Variants in ARID2 observed in about 807,000 individuals in gnomAD.
ARID2 encodes the protein AT-rich interactive domain-containing protein 2.
ARID2 carries 32 observed loss-of-function variants against 184.6 expected under a neutral mutation model. The ratio of observed to expected loss-of-function variants is 0.17; its 90% CI spans 0.13 to 0.23. The LOEUF is 0.23. Ranked by LOEUF, ARID2 falls within the 10% of genes least tolerant of loss-of-function variation. The pLI is 1.00. For missense variants in ARID2, 1,696 were observed against 2,197.6 expected, an observed-to-expected ratio of 0.77 and a Z score of 4.56; for synonymous variants, 836 against 772.6, an observed-to-expected ratio of 1.08 and a Z score of -1.36.
chr12:45,899,653 TTATA>T (rs1404647118), intron 20 of ARID2, among the ~76,000 whole-genome samples: 3 of 65,506 alleles, frequency 4.6e-5, no homozygotes, highest in African/African-American at 7.1e-5. Flanking sequence ...ATATATTTGG[TTATA>T]TATATATATA....
At position 45,846,945 on chromosome 12, in the gene ARID2, G is replaced by C. The variant is rs766014897; in HGVS notation, c.1580+8G>C. 1.2e-6 allele frequency: 2 copies of C among 1,611,472 alleles called. No individual in the cohort carries two copies. Among genetic ancestry groups the C allele is most frequent in the Non-Finnish European group, 1.7e-6 (2 of 1,178,312 alleles). Reference sequence around the variant, plus strand: ...GAAGTTTGCTTGTCAGTGGTAAGTGGTTTATTTCTATTAAGGATTTATCCT... The same window carrying C: ...GAAGTTTGCTTGTCAGTGGTAAGTGCTTTATTTCTATTAAGGATTTATCCT... On this transcript the variant is annotated splice_region_variant and intron_variant, in intron 12 of 20. Transcript: ENST00000334344.
At chr12:45,797,155 C>T (rs1179460007) in intron 3 of ARID2, among the ~76,000 whole-genome samples, 1 of 152,148 alleles carries the variant, frequency 6.6e-6, no homozygotes, top group African/African-American at 2.4e-5. Context: ...CACACACAAA[C>T]ACATAGTTTT....
Position 45,891,393 on chromosome 12 carries a change from G to C in ARID2, c.4923-387G>C, listed in dbSNP as rs1206371575. Among the ~76,000 whole-genome samples, 3 of 152,058 alleles carry C rather than the reference G, an allele frequency of 2.0e-5. No individual in the cohort carries two copies. The East Asian group carries it at 5.8e-4, about 29-fold the overall frequency. ...AGTGAGAGATGGGACTTAAAAACAT[G>C]GACAGACATATAAATGTGAACTTAA... is the stretch of plus-strand genomic sequence containing the variant. On this transcript the variant is annotated intron_variant, in intron 16 of 20. Coordinates refer to ENST00000334344, the MANE Select transcript of ARID2 (RefSeq NM_152641.4).
At chr12:45,742,610 CATT>C (rs1485914330) in intron 3 of ARID2, among the ~76,000 whole-genome samples, 31 of 152,168 alleles carry the variant, frequency 2.0e-4, no homozygotes, top group African/African-American at 5.8e-4. Context: ...CATAGAATCC[CATT>C]ATTATTTTTT....
intron 20 of ARID2, among the ~76,000 whole-genome samples, chr12:45,899,653 T>C (rs1944422502): frequency 1.5e-5 from 1 of 65,508 alleles, no homozygotes; most frequent in African/African-American, 7.1e-5. Context: ...ATATATTTGG[T>C]TATATATATA....
intron 3 of ARID2, among the ~76,000 whole-genome samples, chr12:45,796,535 A>G (rs1328926269): frequency 6.6e-6 from 1 of 150,378 alleles, no homozygotes; most frequent in Non-Finnish European, 1.5e-5. Context: ...TATTTTGGAG[A>G]TGAAGTATTG....
chr12:45,801,039 T>C (rs144709180), intron 3 of ARID2, among the ~76,000 whole-genome samples: 38 of 152,012 alleles, frequency 2.5e-4, no homozygotes, highest in African/African-American at 8.7e-4. Context: ...GTTAGAAAAA[T>C]TACTTTCTCA....
At position 45,899,478 on chromosome 12, in the gene ARID2, C is replaced by T. The variant is rs533482795; in HGVS notation, c.5364-5456C>T. Among the ~76,000 whole-genome samples the T allele has an allele frequency of 7.9e-3, 1,086 of 136,924 alleles. 11 individuals are homozygous for T. Among genetic ancestry groups the T allele is most frequent in the African/African-American group, 0.028 (1,027 of 37,056 alleles). 89.8% of individuals were successfully genotyped at this position (136,924 alleles called of 152,430 possible). On this transcript the variant is annotated intron_variant, in intron 20 of 20. Coordinates refer to ENST00000334344, the MANE Select transcript of ARID2 (RefSeq NM_152641.4). ...AAAATTAGCTGGGCGTGGTGGCGGG[C>T]GCCTGTAGTCCCAGCTACTCAGGAG... is the stretch of plus-strand genomic sequence containing the variant.
intron 4 of ARID2, among the ~76,000 whole-genome samples, chr12:45,817,337 G>C (rs1315878541): frequency 1.3e-5 from 2 of 152,064 alleles, no homozygotes; most frequent in Non-Finnish European, 2.9e-5. Context: ...CTGGGCAACA[G>C]AGCCAGACAT....
In ARID2 at chr12:45,906,850, T is replaced by C. The variant is rs1039880786; in HGVS notation, c.*1772T>C. The stretch of plus-strand genomic sequence containing the variant: ...GGATACTGTACATTTGGCTAAAAGC[T>C]TTTATTGTTTGATGTTGTGTTTCTT... On this transcript the variant is annotated 3_prime_UTR_variant, in exon 21 of 21. Transcript: ENST00000334344. 4.3e-6 allele frequency: 1 copy of C among 232,194 alleles called. No individual in the cohort carries two copies. Among genetic ancestry groups the C allele is most frequent in the Admixed American group, 5.6e-5 (1 of 17,750 alleles). 14.4% of individuals were successfully genotyped at this position (232,194 alleles called of 1,614,324 possible).
At chr12:45,734,324 G>A (rs149039855) in intron 3 of ARID2, among the ~76,000 whole-genome samples, 25 of 152,212 alleles carry the variant, frequency 1.6e-4, no homozygotes, top group African/African-American at 4.3e-4. Context: ...AGCGGAGATC[G>A]TGCTACTGCA....
At chr12:45,867,448 A>C (rs1419241951) in intron 16 of ARID2, among the ~76,000 whole-genome samples, 1 of 151,412 alleles carries the variant, frequency 6.6e-6, no homozygotes, top group Admixed American at 6.6e-5. Context: ...CTAATTTTAA[A>C]ATTTTCTGTG....
At chr12:45,848,028 G>A (rs1943475682) in intron 12 of ARID2, among the ~76,000 whole-genome samples, 2 of 151,916 alleles carry the variant, frequency 1.3e-5, no homozygotes, top group African/African-American at 2.4e-5. Flanking sequence ...TATGTGTTAA[G>A]CATAGATTTG....
intron 3 of ARID2, among the ~76,000 whole-genome samples, chr12:45,753,530 A>G (rs1941507767): frequency 1.3e-5 from 2 of 152,216 alleles, no homozygotes; most frequent in Non-Finnish European, 2.9e-5. Flanking sequence ...TGTCTGGTAT[A>G]TAGTTTAATC....
At position 45,863,391 on chromosome 12, in the gene ARID2, G is replaced by A. The variant is rs373358001; in HGVS notation, c.4922+2442G>A. ...GATAGCCATTGACCACTAAGTGGCTGTTCTGATTTCTTTAATATCATATCA... is the reference window on the plus strand; with the variant it reads ...GATAGCCATTGACCACTAAGTGGCTATTCTGATTTCTTTAATATCATATCA... On this transcript the variant is annotated intron_variant, in intron 16 of 20. Transcript: ENST00000334344. Among the ~76,000 whole-genome samples, 7 of 152,280 alleles carry A rather than the reference G, an allele frequency of 4.6e-5. No individual in the cohort carries two copies. The South Asian group carries it at 1.5e-3, about 32-fold the overall frequency.
At chr12:45,826,575 T>G (rs985831677) in intron 6 of ARID2, among the ~76,000 whole-genome samples, 6 of 152,006 alleles carry the variant, frequency 3.9e-5, no homozygotes, top group African/African-American at 1.4e-4. Context: ...CCACCATGCT[T>G]GGCTAACTTA....
chr12:45,785,592 G>A (rs771816115), intron 3 of ARID2, among the ~76,000 whole-genome samples: 10 of 151,990 alleles, frequency 6.6e-5, no homozygotes, highest in Non-Finnish European at 1.3e-4. Context: ...TCCCTAATCC[G>A]AAAAGCTCCA....
intron 3 of ARID2, among the ~76,000 whole-genome samples, chr12:45,734,755 T>C (rs920748568): frequency 7.2e-5 from 11 of 152,194 alleles, no homozygotes; most frequent in Non-Finnish European, 1.6e-4. Flanking sequence ...TGTTTTGTTG[T>C]TGAAATTGGG....
intron 15 of ARID2, among the ~76,000 whole-genome samples, chr12:45,860,213 G>A (rs1041832101): frequency 3.9e-5 from 6 of 152,120 alleles, no homozygotes; most frequent in African/African-American, 1.2e-4. Context: ...GAACAAGACC[G>A]ACCCTGTCTC....
Sources: gnomAD v4.1 joint callset for allele counts (sites outside exome capture counted in the v4.1 genomes callset) on GRCh38, gnomAD v4.1.1 for gene constraint, MANE v1.5 for transcripts, NCBI Gene and HGNC (gene_info 2026-07-23, HGNC 2026-07-21) for gene names.